CCT5: variants seen among roughly 807,000 people sequenced by gnomAD.
CCT5 encodes T-complex protein 1 subunit epsilon.
A neutral mutation model predicts 55.0 loss-of-function variants in CCT5; 6 were observed. That is an observed-to-expected ratio of 0.11 (90% CI 0.06 to 0.22). The LOEUF (loss-of-function observed/expected upper bound fraction) is 0.22, where lower values mean the gene tolerates loss of function less well. Among genes scored for constraint, CCT5 ranks in the 10% least tolerant of loss-of-function variants. CCT5 has a pLI of 1.00. For missense variants in CCT5, 560 were observed against 694.6 expected (o/e 0.81, Z 2.18); for synonymous variants, 231 against 243.7 (o/e 0.95, Z 0.49).
intron 1 of CCT5, among the ~76,000 whole-genome samples, chr5:10,252,861 C>T (rs1176923294): frequency 6.6e-6 from 1 of 152,022 alleles, no homozygotes; most frequent in African/African-American, 2.4e-5. Flanking sequence ...CTCGGGATTT[C>T]GGGATCTCTC....
At chr5:10,261,043 G>A (rs758999150) in intron 7 of CCT5, 132 bp downstream of exon 7, 2 of 910,618 alleles carry the variant, frequency 2.2e-6, no homozygotes, top group South Asian at 1.3e-5. Flanking sequence ...TGAGCTGGGA[G>A]AGAGGAAAGC....
chr5:10,264,932 A>G lies in CCT5; in HGVS notation c.*149A>G, dbSNP rs1320695242. The stretch of plus-strand genomic sequence containing the variant: ...ATAGCTGTTTGGTAACCATAGTTTC[A>G]CTTGTTCAAAGCTGTGTAATCGTGG... On this transcript the variant is annotated 3_prime_UTR_variant, in exon 11 of 11. Coordinates refer to ENST00000280326, the MANE Select transcript of CCT5 (RefSeq NM_012073.5). The G allele has an allele frequency of 9.9e-7, 1 of 1,013,690 alleles. No individual in the cohort carries two copies. The highest frequency in any genetic ancestry group is 1.6e-5 in the African/African-American group (1 of 62,890). 62.8% of individuals were successfully genotyped at this position (1,013,690 alleles called of 1,614,324 possible). A position where few individuals can be genotyped will look rare whatever the true frequency, so the allele number is the denominator to read the frequency against.
chr5:10,261,826 A>T, intron 8 of CCT5, 81 bp downstream of exon 8: 1 of 1,052,850 alleles, frequency 9.5e-7, no homozygotes, highest in Non-Finnish European at 1.5e-6. Context: ...TATTTAACAG[A>T]GACACAGTCA....
In CCT5 at chr5:10,254,088, C is replaced by CT. The variant is rs1745558277; in HGVS notation, c.106-53dup. 6.0e-6 allele frequency: 7 copies of CT among 1,158,436 alleles called. No homozygotes were observed. The South Asian group carries it at 8.6e-5, about 14-fold the overall frequency. 71.8% of individuals were successfully genotyped at this position (1,158,436 alleles called of 1,614,324 possible). The stretch of plus-strand genomic sequence containing the variant: ...GATTTTTGTAGTCATCAGATGTGTG[C>CT]TTTTAACCATTGAAATTATATGTAA... On this transcript the variant is annotated intron_variant, in intron 1 of 10. Transcript: ENST00000280326.
chr5:10,254,950 A>G, intron 3 of CCT5, 112 bp downstream of exon 3: 1 of 902,726 alleles, frequency 1.1e-6, no homozygotes, highest in African/African-American at 1.7e-5. Flanking sequence ...GAGACAGACA[A>G]ATCCAAGTTG....
chr5:10,262,144 C>T, intron 8 of CCT5: 1 of 400,822 alleles, frequency 2.5e-6, no homozygotes, highest in East Asian at 5.9e-5. Context: ...ACATCTGTCC[C>T]TTAGGTAGAA....
chr5:10,262,754 A>G, intron 9 of CCT5, 136 bp downstream of exon 9: 1 of 929,712 alleles, frequency 1.1e-6, no homozygotes, highest in Non-Finnish European at 1.7e-6. Context: ...TTTTAATCTA[A>G]GTTAATTCCC....
rs1222073626 is a variant in CCT5 at position 10,265,604 on chromosome 5, A to C, written c.*821A>C. 1.3e-5 allele frequency: 2 copies of C among 152,076 alleles called. No homozygotes were observed. Among genetic ancestry groups the C allele is most frequent in the Non-Finnish European group, 2.9e-5 (2 of 68,026 alleles). 9.4% of individuals were successfully genotyped at this position (152,076 alleles called of 1,614,324 possible). ...AGTGATGGGCCAAGACGCTCCGAGAACTCTACCGGGATTGTCTGTTCTGAC... is the reference window on the plus strand; with the variant it reads ...AGTGATGGGCCAAGACGCTCCGAGACCTCTACCGGGATTGTCTGTTCTGAC... On this transcript the variant is annotated 3_prime_UTR_variant, in exon 11 of 11. Coordinates refer to ENST00000280326, the MANE Select transcript of CCT5 (RefSeq NM_012073.5).
At chr5:10,263,381 C>CTGTA (rs1746073415) in intron 10 of CCT5, 67 bp downstream of exon 10, 1 of 1,397,272 alleles carries the variant, frequency 7.2e-7, no homozygotes, top group South Asian at 1.2e-5. Context: ...TAATCATCCA[C>CTGTA]TGTATGTGCT....
rs758060266 is a variant in CCT5 at position 10,250,280 on chromosome 5, G to T, written c.-61G>T. On this transcript the variant is annotated 5_prime_UTR_variant, in exon 1 of 11. Coordinates refer to ENST00000280326, the MANE Select transcript of CCT5 (RefSeq NM_012073.5). ...TTGGGCCCTCCCGAGAAAGGGAAGT[G>T]CATTCTCGCTTCCGTAGCGGTCTCC... is the stretch of plus-strand genomic sequence containing the variant. The T allele has an allele frequency of 1.2e-6, 2 of 1,611,442 alleles. No homozygotes were observed. The highest frequency in any genetic ancestry group is 1.7e-6 in the Non-Finnish European group (2 of 1,179,008).
rs982177004 is a variant in CCT5, at chr5:10,264,856, A to C, written c.*73A>C. Reference sequence around the variant, plus strand: ...AATGGATGTCTCGTGATGCATCTACAGTTATTTATTGTTACATCCTTTTCC... The same window carrying C: ...AATGGATGTCTCGTGATGCATCTACCGTTATTTATTGTTACATCCTTTTCC... On this transcript the variant is annotated 3_prime_UTR_variant, in exon 11 of 11. Transcript: ENST00000280326. The C allele has an allele frequency of 5.1e-6, 8 of 1,582,458 alleles. No homozygotes were observed. Among genetic ancestry groups the C allele is most frequent in the Non-Finnish European group, 6.1e-6 (7 of 1,154,320 alleles).
At chr5:10,261,827 G>T in intron 8 of CCT5, 82 bp downstream of exon 8, 1 of 1,047,662 alleles carries the variant, frequency 9.5e-7, no homozygotes, top group Non-Finnish European at 1.5e-6. Context: ...ATTTAACAGA[G>T]ACACAGTCAC....
chr5:10,260,758 T>C, intron 6 of CCT5, 34 bp from the exon 7 acceptor site: 1 of 1,611,648 alleles, frequency 6.2e-7, no homozygotes, highest in Non-Finnish European at 8.5e-7. Context: ...ATACCCACTT[T>C]CTCTTAATAC....
At chr5:10,262,163 CCCAA>C in intron 8 of CCT5, 2 of 407,624 alleles carry the variant, frequency 4.9e-6, no homozygotes, top group South Asian at 4.3e-5. Context: ...AAAAAGGGAA[CCCAA>C]GTGAATAACC....
At position 10,266,258 on chromosome 5, in the gene CCT5, C is replaced by G. The variant is rs1746230025; in HGVS notation, c.*1475C>G. 1 of 152,220 alleles carries G rather than the reference C, an allele frequency of 6.6e-6. No homozygotes were observed. The highest frequency in any genetic ancestry group is 6.5e-5 in the Admixed American group (1 of 15,272). 9.4% of individuals were successfully genotyped at this position (152,220 alleles called of 1,614,324 possible). A position where few individuals can be genotyped will look rare whatever the true frequency, so the allele number is the denominator to read the frequency against. ...AGAGCCACTAAACCAATCCCCCTTT[C>G]CAAAATTGAACCTCACAGACGTTCC... On this transcript the variant is annotated 3_prime_UTR_variant, in exon 11 of 11. Coordinates refer to ENST00000280326, the MANE Select transcript of CCT5 (RefSeq NM_012073.5).
At chr5:10,258,618 CT>C in intron 6 of CCT5, 83 bp downstream of exon 6, 1 of 1,265,966 alleles carries the variant, frequency 7.9e-7, no homozygotes, top group Middle Eastern at 1.9e-4. Flanking sequence ...TATGTGTAGT[CT>C]TTCTTCAGTT....
chr5:10,260,220 G>A (rs1745891827), intron 6 of CCT5, among the ~76,000 whole-genome samples: 1 of 152,164 alleles, frequency 6.6e-6, no homozygotes, highest in Admixed American at 6.5e-5. Flanking sequence ...GGTGGGGTGG[G>A]CAGCCTGATC....
intron 10 of CCT5, 199 bp from the exon 11 acceptor site, chr5:10,264,457 G>T: frequency 1.8e-6 from 1 of 551,212 alleles, no homozygotes; most frequent in South Asian, 2.0e-5. Context: ...TACCAGGTGC[G>T]AGTTCCAGAG....
At chr5:10,253,579 T>C (rs185140253) in intron 1 of CCT5, among the ~76,000 whole-genome samples, 5 of 152,304 alleles carry the variant, frequency 3.3e-5, no homozygotes, top group South Asian at 2.1e-4. Flanking sequence ...CAGTAAATCA[T>C]AGTGTGACAG....
Sources: gnomAD v4.1 joint callset for allele counts (sites outside exome capture counted in the v4.1 genomes callset) on GRCh38, gnomAD v4.1.1 for gene constraint, MANE v1.5 for transcripts, NCBI Gene and HGNC (gene_info 2026-07-23, HGNC 2026-07-21) for gene names.